The following NACC2 variants were observed in gnomAD, a reference collection of about 807,000 sequenced individuals.
NACC2 encodes nucleus accumbens-associated protein 2.
Under a neutral mutation model 25.1 loss-of-function variants are expected in NACC2, and 8 were observed. The ratio of observed to expected loss-of-function variants is 0.32; its 90% CI spans 0.19 to 0.57. NACC2 has a LOEUF of 0.57. Ranked by LOEUF, NACC2 falls within the 20% of genes least tolerant of loss-of-function variation. NACC2 has a pLI of 0.89. For missense variants in NACC2, 644 were observed against 650.2 expected (o/e 0.99, Z 0.10); for synonymous variants, 435 against 294.7 (o/e 1.48, Z -4.88).
chr9:136,070,816 T>C (rs560210419), intron 1 of NACC2, among the ~76,000 whole-genome samples: 33 of 151,714 alleles, frequency 2.2e-4, no homozygotes, highest in Non-Finnish European at 4.7e-4. Flanking sequence ...ATCAATAAAG[T>C]TGACAAACAT....
At chr9:136,083,655 C>T (rs943576539) in intron 1 of NACC2, among the ~76,000 whole-genome samples, 2 of 152,308 alleles carry the variant, frequency 1.3e-5, no homozygotes, top group African/African-American at 2.4e-5. Context: ...GCACCACAGG[C>T]GGCTGGCACC....
intron 1 of NACC2, among the ~76,000 whole-genome samples, chr9:136,071,876 G>A (rs1460086307): frequency 6.6e-6 from 1 of 152,132 alleles, no homozygotes; most frequent in African/African-American, 2.4e-5. Context: ...TGAAGCCAAT[G>A]GAGCTGGGGC....
At chr9:136,082,221 C>G (rs1830331450) in intron 1 of NACC2, among the ~76,000 whole-genome samples, 1 of 152,192 alleles carries the variant, frequency 6.6e-6, no homozygotes, top group South Asian at 2.1e-4. Flanking sequence ...AGGGTCTTCA[C>G]CCTCAGGACC....
At chr9:136,017,970 C>T (rs908520660) in intron 2 of NACC2, among the ~76,000 whole-genome samples, 3 of 152,162 alleles carry the variant, frequency 2.0e-5, no homozygotes, top group Non-Finnish European at 4.4e-5. Flanking sequence ...GCCGAGGGCA[C>T]GGCATGGTCC....
chr9:136,043,039 C>T (rs1281704636), intron 2 of NACC2, among the ~76,000 whole-genome samples: 1 of 151,986 alleles, frequency 6.6e-6, no homozygotes, highest in Admixed American at 6.6e-5. Context: ...CACACAGACA[C>T]ACACACACAG....
rs954077210 is a variant in NACC2, at chr9:136,086,879, C to G, written c.-60+8310G>C. Among the ~76,000 whole-genome samples the G allele has an allele frequency of 2.6e-5, 4 of 152,210 alleles. No individual in the cohort carries two copies. The highest frequency in any genetic ancestry group is 5.9e-5 in the Non-Finnish European group (4 of 68,036). Reference sequence around the variant, plus strand: ...TGCAGAGCCAGCCCCCCAGTGCCCTCTACGCACTAAAGGCTTTCTGCCCCT... The same window carrying G: ...TGCAGAGCCAGCCCCCCAGTGCCCTGTACGCACTAAAGGCTTTCTGCCCCT... On this transcript the variant is annotated intron_variant, in intron 1 of 5. Coordinates refer to ENST00000277554, the MANE Select transcript of NACC2 (RefSeq NM_144653.5). The surrounding 1 kb of genome is among the most constrained non-coding windows in gnomAD (Gnocchi z 5.6).
chr9:136,053,422 C>A (rs1326380858), intron 1 of NACC2, among the ~76,000 whole-genome samples: 1 of 152,144 alleles, frequency 6.6e-6, no homozygotes, highest in Non-Finnish European at 1.5e-5. Context: ...GGGGCGTTTA[C>A]AGAAACGTCC....
chr9:136,067,620 G>A (rs1318990213), intron 1 of NACC2, among the ~76,000 whole-genome samples: 5 of 152,058 alleles, frequency 3.3e-5, no homozygotes, highest in Non-Finnish European at 7.4e-5. Context: ...GGCAGATCAC[G>A]AGGTCAAGAG....
At chr9:136,089,042 G>T (rs1323628552) in intron 1 of NACC2, among the ~76,000 whole-genome samples, 1 of 152,190 alleles carries the variant, frequency 6.6e-6, no homozygotes, top group Non-Finnish European at 1.5e-5. Flanking sequence ...TTTATAGAAA[G>T]GTGTTGCAAA....
rs938277390 is a variant in NACC2 at position 136,040,896 on chromosome 9, G to A, written c.886+8740C>T. 1.4e-4 allele frequency among the ~76,000 whole-genome samples: 22 copies of A among 152,194 alleles called. No homozygotes were observed. The South Asian group carries it at 4.4e-3, about 30-fold the overall frequency. On this transcript the variant is annotated intron_variant, in intron 2 of 5. Coordinates refer to ENST00000277554, the MANE Select transcript of NACC2 (RefSeq NM_144653.5). ...GGACTCCTTGAGTCTGGGAGGCAGA[G>A]GCTGCAATGAGTAGAGATTGTGCCA...
At position 136,019,836 on chromosome 9, in the gene NACC2, G is replaced by A. The variant is rs895992339; in HGVS notation, c.887-3407C>T. Reference sequence around the variant, plus strand: ...CAGGCCCTTCTGCTCCCAGCCGGGCGACACCAGGGGAGCTTGCGAGAGGGC... The same window carrying A: ...CAGGCCCTTCTGCTCCCAGCCGGGCAACACCAGGGGAGCTTGCGAGAGGGC... On this transcript the variant is annotated intron_variant, in intron 2 of 5. Transcript: ENST00000277554. The surrounding 1 kb of genome is among the most constrained non-coding windows in gnomAD (Gnocchi z 5.2). Among the ~76,000 whole-genome samples, 1 of 152,280 alleles carries A rather than the reference G, an allele frequency of 6.6e-6. No homozygotes were observed. The highest frequency in any genetic ancestry group is 2.4e-5 in the African/African-American group (1 of 41,570).
At position 136,084,707 on chromosome 9, in the gene NACC2, CAAAG is replaced by C. The variant is rs1237115170; in HGVS notation, c.-60+10478_-60+10481del. 6.6e-6 allele frequency among the ~76,000 whole-genome samples: 1 copy of C among 152,242 alleles called. No individual in the cohort carries two copies. The highest frequency in any genetic ancestry group is 2.4e-5 in the African/African-American group (1 of 41,462). On this transcript the variant is annotated intron_variant, in intron 1 of 5. Transcript: ENST00000277554. This position sits in a 1 kb window ranked among gnomAD's most constrained non-coding sequence, Gnocchi z 5.1. ...CCAGGGTCCGCCAATGGGTGACAGTCAAAGGAAATGGCGGCGGGCGCACACACAC... is the reference window on the plus strand; with the variant it reads ...CCAGGGTCCGCCAATGGGTGACAGTCGAAATGGCGGCGGGCGCACACACAC...
In NACC2 at chr9:136,022,943, G is replaced by A. The variant is rs1048657824; in HGVS notation, c.887-6514C>T. 1.4e-5 allele frequency among the ~76,000 whole-genome samples: 2 copies of A among 148,064 alleles called. No homozygotes were observed. The highest frequency in any genetic ancestry group is 3.0e-5 in the Non-Finnish European group (2 of 67,356). On this transcript the variant is annotated intron_variant, in intron 2 of 5. Coordinates refer to ENST00000277554, the MANE Select transcript of NACC2 (RefSeq NM_144653.5). The surrounding 1 kb of genome is among the most constrained non-coding windows in gnomAD (Gnocchi z 4.4). The stretch of plus-strand genomic sequence containing the variant: ...TGCCTGTTAAGACACAGCCCGTTTC[G>A]TGGATGCTGACACATGGGGAAATGC...
intron 1 of NACC2, among the ~76,000 whole-genome samples, chr9:136,079,445 C>A (rs1485314013): frequency 1.3e-5 from 2 of 152,220 alleles, no homozygotes. Context: ...AGCCAAGGAA[C>A]CAGGATCTCC....
intron 1 of NACC2, among the ~76,000 whole-genome samples, chr9:136,066,781 C>G (rs1462579405): frequency 6.6e-6 from 1 of 151,978 alleles, no homozygotes; most frequent in Non-Finnish European, 1.5e-5. Flanking sequence ...AATATCCATA[C>G]AATGTCATTC....
intron 1 of NACC2, 66 bp from the exon 2 acceptor site, chr9:136,050,646 TCCCAC>T (rs1303008343): frequency 7.5e-6 from 5 of 663,000 alleles, no homozygotes; most frequent in Non-Finnish European, 1.4e-5. Context: ...AAGGGGCCGT[TCCCAC>T]CCCCTCCTCC....
intron 1 of NACC2, among the ~76,000 whole-genome samples, chr9:136,058,136 C>T (rs1448560155): frequency 2.6e-5 from 4 of 152,232 alleles, no homozygotes; most frequent in South Asian, 2.1e-4. Context: ...TGGAGCCACA[C>T]GCCTCTAGGC....
At chr9:136,056,467 C>T (rs191457713) in intron 1 of NACC2, among the ~76,000 whole-genome samples, 1 of 152,346 alleles carries the variant, frequency 6.6e-6, no homozygotes, top group African/African-American at 2.4e-5. Flanking sequence ...GGCCCCTAGC[C>T]ATCATCCTTC....
Position 136,018,016 on chromosome 9 carries a change from T to C in NACC2, c.887-1587A>G, listed in dbSNP as rs1011504190. Among the ~76,000 whole-genome samples, 6 of 151,398 alleles carry C rather than the reference T, an allele frequency of 4.0e-5. No homozygotes were observed. Among genetic ancestry groups the C allele is most frequent in the African/African-American group, 1.5e-4 (6 of 41,134 alleles). ...CTCAGTGTGATGGGAAGTCCCCCGG[T>C]GGGGGGCGGGGGGCAGCTTGCAGGA... On this transcript the variant is annotated intron_variant, in intron 2 of 5. Transcript: ENST00000277554. The surrounding 1 kb of genome is among the most constrained non-coding windows in gnomAD (Gnocchi z 4.4).
Sources: gnomAD v4.1 joint callset for allele counts (sites outside exome capture counted in the v4.1 genomes callset) on GRCh38, gnomAD v4.1.1 for gene constraint, Gnocchi (gnomAD v3.1) non-coding constraint, MANE v1.5 for transcripts, NCBI Gene and HGNC (gene_info 2026-07-23, HGNC 2026-07-21) for gene names.